The following NSMCE2 variants were observed in gnomAD, a reference collection of about 807,000 sequenced individuals.
NSMCE2 encodes NSE2 SUMO ligase component of SMC5/6 complex, also known as E3 SUMO-protein ligase NSE2.
In NSMCE2, 24 loss-of-function variants were observed where a neutral mutation model predicts 23.8. The observed-to-expected ratio is 1.01, with a 90% CI of 0.73 to 1.42. The LOEUF (loss-of-function observed/expected upper bound fraction) is 1.42, where lower values mean the gene tolerates loss of function less well. NSMCE2 is among the 40% of genes most tolerant of loss of function. The probability of loss-of-function intolerance (pLI) is 0.00; values close to 1 mark genes in which losing one functional copy is unlikely to be tolerated. For missense variants in NSMCE2, 284 were observed against 296.5 expected (o/e 0.96, Z 0.31); for synonymous variants, 92 against 94.1 (o/e 0.98, Z 0.13).
At chr8:125,184,943 A>G (rs185465623) in intron 5 of NSMCE2, among the ~76,000 whole-genome samples, 2 of 152,270 alleles carry the variant, frequency 1.3e-5, no homozygotes, top group Middle Eastern at 3.4e-3. Flanking sequence ...AGAGAGAGAG[A>G]CTTGCTTCTA....
chr8:125,199,098 G>GCT (rs1360074118), intron 5 of NSMCE2, among the ~76,000 whole-genome samples: 1 of 151,890 alleles, frequency 6.6e-6, no homozygotes, highest in African/African-American at 2.4e-5. Context: ...TATTAGTCTT[G>GCT]CTAGTGGTCT....
chr8:125,338,247 T>C (rs1830125634), intron 5 of NSMCE2, among the ~76,000 whole-genome samples: 2 of 151,512 alleles, frequency 1.3e-5, no homozygotes, highest in Admixed American at 6.6e-5. Context: ...AACAGTTGTC[T>C]TGAAGGCACT....
chr8:125,142,692 C>T (rs1820443892), intron 3 of NSMCE2, among the ~76,000 whole-genome samples: 1 of 152,036 alleles, frequency 6.6e-6, no homozygotes, highest in South Asian at 2.1e-4. Flanking sequence ...ACAACCTCCA[C>T]CTCCCAGGTT....
intron 4 of NSMCE2, among the ~76,000 whole-genome samples, chr8:125,181,412 T>C (rs1410525667): frequency 2.0e-5 from 3 of 152,260 alleles, no homozygotes; most frequent in Middle Eastern, 3.4e-3. Flanking sequence ...TGAATAGATA[T>C]GTGATAACAT....
At chr8:125,340,512 T>G (rs1586794396) in intron 5 of NSMCE2, among the ~76,000 whole-genome samples, 1 of 152,240 alleles carries the variant, frequency 6.6e-6, no homozygotes, top group African/African-American at 2.4e-5. Context: ...TTTGACTGCA[T>G]TTTATTCTCT....
chr8:125,141,913 G>A (rs568793249), intron 3 of NSMCE2, among the ~76,000 whole-genome samples: 13 of 152,192 alleles, frequency 8.5e-5, no homozygotes, highest in East Asian at 3.9e-4. Flanking sequence ...AGCATTTGCC[G>A]GGCAAATGAG....
chr8:125,355,699 CAAAAAAAAAA>C (rs140692089), intron 5 of NSMCE2, among the ~76,000 whole-genome samples: 23 of 46,758 alleles, frequency 4.9e-4, no homozygotes, highest in African/African-American at 1.9e-3. Context: ...GACTCCATCT[CAAAAAAAAAA>C]AAAAAAAAAA....
intron 5 of NSMCE2, among the ~76,000 whole-genome samples, chr8:125,207,945 CTT>C (rs1168210963): frequency 6.6e-6 from 1 of 152,184 alleles, no homozygotes; most frequent in African/African-American, 2.4e-5. Flanking sequence ...TTTTGTCAGA[CTT>C]TTGGTCAAAG....
At chr8:125,212,715 A>G (rs1453657196) in intron 5 of NSMCE2, among the ~76,000 whole-genome samples, 4 of 152,318 alleles carry the variant, frequency 2.6e-5, no homozygotes, top group African/African-American at 7.2e-5. Flanking sequence ...TTAAGATAAC[A>G]TTTTTTAAAT....
chr8:125,155,475 C>T (rs1298767269), intron 4 of NSMCE2, among the ~76,000 whole-genome samples: 1 of 152,060 alleles, frequency 6.6e-6, no homozygotes, highest in African/African-American at 2.4e-5. Context: ...AGTTGAGTAA[C>T]CTAAGATTGG....
intron 5 of NSMCE2, among the ~76,000 whole-genome samples, chr8:125,246,992 C>T (rs1826004481): frequency 6.6e-6 from 1 of 151,450 alleles, no homozygotes; most frequent in Admixed American, 6.6e-5. Flanking sequence ...ACTATAGTCA[C>T]GTTGCTTTAC....
chr8:125,117,508 A>G lies in NSMCE2; in HGVS notation c.157+15021A>G, dbSNP rs142969946. On this transcript the variant is annotated intron_variant, in intron 3 of 7. Coordinates refer to ENST00000287437, the MANE Select transcript of NSMCE2 (RefSeq NM_173685.4). ...CCAGTTAATGCGTTTTCTTTGTTCC[A>G]TGGGGCTTTTTGCATTTATACCTTT... 1.6e-3 allele frequency among the ~76,000 whole-genome samples: 245 copies of G among 152,028 alleles called. 1 individual carries two copies. The highest frequency in any genetic ancestry group is 7.8e-4 in the Non-Finnish European group (53 of 67,966).
chr8:125,349,167 C>A (rs1812922767), intron 5 of NSMCE2, among the ~76,000 whole-genome samples: 1 of 151,996 alleles, frequency 6.6e-6, no homozygotes, highest in South Asian at 2.1e-4. Context: ...ACTGGTAGCC[C>A]CAGCTATAGG....
intron 5 of NSMCE2, among the ~76,000 whole-genome samples, chr8:125,230,752 G>T (rs1169496188): frequency 6.6e-6 from 1 of 152,168 alleles, no homozygotes; most frequent in African/African-American, 2.4e-5. Context: ...GGGCAAAATA[G>T]ATTTGCAAAA....
intron 5 of NSMCE2, among the ~76,000 whole-genome samples, chr8:125,286,432 C>T (rs774208865): frequency 9.2e-5 from 14 of 151,956 alleles, no homozygotes; most frequent in Non-Finnish European, 1.8e-4. Flanking sequence ...CCTGCCTCAG[C>T]CTCCCAAGTA....
At chr8:125,122,169 A>G (rs1819294488) in intron 3 of NSMCE2, among the ~76,000 whole-genome samples, 1 of 100,040 alleles carries the variant, frequency 1.0e-5, no homozygotes, top group Non-Finnish European at 1.8e-5. Flanking sequence ...TCTCTGGCTG[A>G]GCCAAAAAAA....
chr8:125,334,626 T>G (rs918293533), intron 5 of NSMCE2, among the ~76,000 whole-genome samples: 1 of 152,082 alleles, frequency 6.6e-6, no homozygotes, highest in African/African-American at 2.4e-5. Flanking sequence ...GTGTCCATTA[T>G]AGTCAATCTG....
chr8:125,336,392 A>G (rs1226201594), intron 5 of NSMCE2, among the ~76,000 whole-genome samples: 1 of 152,214 alleles, frequency 6.6e-6, no homozygotes, highest in Non-Finnish European at 1.5e-5. Flanking sequence ...TTTTCCCGAG[A>G]TCAAATAGCT....
At chr8:125,299,595 A>G (rs894180023) in intron 5 of NSMCE2, among the ~76,000 whole-genome samples, 2 of 152,120 alleles carry the variant, frequency 1.3e-5, no homozygotes, top group Admixed American at 6.6e-5. Context: ...TGTGGGGACT[A>G]CAATTTGAGA....
Sources: allele counts gnomAD v4.1 joint callset (sites outside exome capture counted in the v4.1 genomes callset), GRCh38; gene constraint gnomAD v4.1.1; transcripts MANE v1.5; gene names NCBI Gene and HGNC (gene_info 2026-07-23, HGNC 2026-07-21).